ADD1: variants seen among roughly 807,000 people sequenced by gnomAD.
ADD1 encodes the protein adducin 1.
Under a neutral mutation model 80.5 loss-of-function variants are expected in ADD1, and 24 were observed. That is an observed-to-expected ratio of 0.30 (90% CI 0.22 to 0.42). The LOEUF is 0.42. Among genes scored for constraint, ADD1 ranks in the 10% least tolerant of loss-of-function variants. The pLI, the probability that ADD1 is intolerant of heterozygous loss-of-function variation, is 1.00. For synonymous variants in ADD1, 373 were observed against 393.8 expected, an observed-to-expected ratio of 0.95 and a Z score of 0.63; for missense variants, 948 against 1,019.0, an observed-to-expected ratio of 0.93 and a Z score of 0.95.
intron 13 of ADD1, among the ~76,000 whole-genome samples, chr4:2,911,305 C>G (rs1426652491): frequency 2.6e-5 from 4 of 152,072 alleles, no homozygotes; most frequent in Non-Finnish European, 4.4e-5. Flanking sequence ...GATGGCCATT[C>G]CCACAGTGCA....
intron 2 of ADD1, among the ~76,000 whole-genome samples, chr4:2,879,001 C>A (rs1443188577): frequency 6.6e-6 from 1 of 151,974 alleles, no homozygotes; most frequent in Non-Finnish European, 1.5e-5. Context: ...GACATGGTTA[C>A]TAGGAATGAG....
intron 4 of ADD1, among the ~76,000 whole-genome samples, chr4:2,886,171 G>A (rs1262105557): frequency 6.6e-6 from 1 of 152,218 alleles, no homozygotes; most frequent in African/African-American, 2.4e-5. Context: ...CTTGAGGCAA[G>A]CAGTGTGTGC....
At chr4:2,884,161 G>A in intron 3 of ADD1, among the ~76,000 whole-genome samples, 1 of 152,070 alleles carries the variant, frequency 6.6e-6, no homozygotes, top group East Asian at 1.9e-4. Context: ...TTGCTTTACT[G>A]CACGCCACAA....
At chr4:2,850,264 CTTTTTGT>C (rs996272344) in intron 1 of ADD1, among the ~76,000 whole-genome samples, 2 of 152,176 alleles carry the variant, frequency 1.3e-5, no homozygotes, top group African/African-American at 2.4e-5. Flanking sequence ...ATAGGCAAAT[CTTTTTGT>C]TTTTTGTTTT....
Position 2,904,764 on chromosome 4 carries a change from G to T in ADD1, c.1162G>T (p.Gly388Cys), listed in dbSNP as rs376166483. 6.2e-7 allele frequency: 1 copy of T among 1,611,796 alleles called. No individual in the cohort carries two copies. Among genetic ancestry groups the T allele is most frequent in the Non-Finnish European group, 8.5e-7 (1 of 1,178,010 alleles). Reference protein sequence around the residue: ...EALMRMLDNLGYRTGYPYRYP... With the variant: ...EALMRMLDNLCYRTGYPYRYP... ...GTCTTTCACTCTCCTTGGACCCTAG[G>T]GCTACAGAACTGGCTACCCTTATCG... The change falls in exon 10 of 16, where the codon GGC becomes TGC. Residue 388 changes from glycine to cysteine, a missense_variant and splice_region_variant. Physicochemically the swap from Gly to Cys is radical, Grantham distance 159. Transcript: ENST00000683351.
At chr4:2,888,672 C>A (rs987146867) in intron 4 of ADD1, among the ~76,000 whole-genome samples, 1 of 152,050 alleles carries the variant, frequency 6.6e-6, no homozygotes, top group African/African-American at 2.4e-5. Context: ...CCCACCTCAG[C>A]CTCCCAAAGT....
intron 1 of ADD1, among the ~76,000 whole-genome samples, chr4:2,850,945 G>A (rs920535635): frequency 2.6e-5 from 4 of 152,206 alleles, no homozygotes; most frequent in Admixed American, 2.0e-4. Flanking sequence ...AATGGAGTGG[G>A]AATGAGGAAT....
chr4:2,914,172 G>A (rs1738575859), intron 13 of ADD1, among the ~76,000 whole-genome samples: 1 of 152,198 alleles, frequency 6.6e-6, no homozygotes, highest in African/African-American at 2.4e-5. Context: ...GGCTGTGAGT[G>A]GACCGCACCC....
intron 1 of ADD1, chr4:2,853,620 T>C (rs1727643892): frequency 6.6e-6 from 1 of 152,146 alleles, no homozygotes; most frequent in East Asian, 1.9e-4. Context: ...TTTTTTTCTT[T>C]CAGACTGAGT....
At chr4:2,903,343 G>C (rs1281407826) in intron 9 of ADD1, among the ~76,000 whole-genome samples, 1 of 152,198 alleles carries the variant, frequency 6.6e-6, no homozygotes, top group African/African-American at 2.4e-5. Flanking sequence ...TCTGTGCTGG[G>C]CAACAAATCA....
chr4:2,884,787 T>G, intron 4 of ADD1, 121 bp downstream of exon 4: 9 of 1,176,342 alleles, frequency 7.7e-6, no homozygotes, highest in Non-Finnish European at 1.0e-5. Context: ...GGAATACCTC[T>G]TCTGATTCCT....
At chr4:2,847,986 A>T (rs899602817) in intron 1 of ADD1, among the ~76,000 whole-genome samples, 4 of 152,142 alleles carry the variant, frequency 2.6e-5, no homozygotes, top group Non-Finnish European at 5.9e-5. Flanking sequence ...AGGCCGAGGC[A>T]GGTGGATCAC....
At chr4:2,857,707 G>T (rs540165307) in intron 1 of ADD1, among the ~76,000 whole-genome samples, 121 of 152,280 alleles carry the variant, frequency 7.9e-4, no homozygotes, top group Middle Eastern at 6.8e-3. Flanking sequence ...TGTACAAAAG[G>T]TGTATTCAGT....
At chr4:2,860,334 T>TA in intron 1 of ADD1, among the ~76,000 whole-genome samples, 1 of 152,330 alleles carries the variant, frequency 6.6e-6, no homozygotes, top group South Asian at 2.1e-4. Context: ...AATTCAGAGA[T>TA]ACAAAACCCA....
In ADD1 at chr4:2,915,817, G is replaced by A. The variant is rs1017117377; in HGVS notation, c.1948+777G>A. On this transcript the variant is annotated intron_variant, in intron 14 of 15. Coordinates refer to ENST00000683351, the MANE Select transcript of ADD1 (RefSeq NM_001354761.2). ...CTAGCCTGGGCATCTCAAAAAAAAAGAAATTGCAAAGTTAGGCACACTTGT... is the reference window on the plus strand; with the variant it reads ...CTAGCCTGGGCATCTCAAAAAAAAAAAAATTGCAAAGTTAGGCACACTTGT... Among the ~76,000 whole-genome samples the A allele has an allele frequency of 6.6e-5, 10 of 152,212 alleles. 1 individual carries two copies. The highest frequency in any genetic ancestry group is 3.9e-4 in the Admixed American group (6 of 15,284).
intron 1 of ADD1, among the ~76,000 whole-genome samples, chr4:2,852,175 T>TTTCTTTCA (rs1727231974): frequency 4.3e-5 from 3 of 69,296 alleles, no homozygotes; most frequent in Admixed American, 1.7e-4. Context: ...TCTTTCTTTC[T>TTTCTTTCA]TTCTTTCTTT....
Position 2,926,681 on chromosome 4 carries a change from T to C in ADD1, c.2047+569T>C. ...AGAGAGTACCTGTTACCCTAGTAAG[T>C]ACCGTGCTGCCTCCGCTCTCCACCG... On this transcript the variant is annotated intron_variant, in intron 15 of 15. Coordinates refer to ENST00000683351, the MANE Select transcript of ADD1 (RefSeq NM_001354761.2). This position sits in a 1 kb window ranked among gnomAD's most constrained non-coding sequence, Gnocchi z 5.0. 3 of 1,613,794 alleles carry C rather than the reference T, an allele frequency of 1.9e-6. No homozygotes were observed. Among genetic ancestry groups the C allele is most frequent in the Non-Finnish European group, 2.5e-6 (3 of 1,179,778 alleles).
chr4:2,918,488 A>G (rs924685004), intron 14 of ADD1, among the ~76,000 whole-genome samples: 6 of 152,192 alleles, frequency 3.9e-5, no homozygotes, highest in Non-Finnish European at 7.3e-5. Flanking sequence ...CTCTCTTCCT[A>G]TTTGAATACA....
At chr4:2,867,528 A>T (rs1364288080) in intron 1 of ADD1, among the ~76,000 whole-genome samples, 1 of 152,202 alleles carries the variant, frequency 6.6e-6, no homozygotes, top group South Asian at 2.1e-4. Context: ...TGCCTACTAA[A>T]CCTTAAGCAA....
Sources: allele counts gnomAD v4.1 joint callset (sites outside exome capture counted in the v4.1 genomes callset), GRCh38; gene constraint gnomAD v4.1.1; non-coding constraint Gnocchi (gnomAD v3.1); transcripts MANE v1.5; gene names NCBI Gene and HGNC (gene_info 2026-07-23, HGNC 2026-07-21).